PTPRD: variants seen among roughly 807,000 people sequenced by gnomAD.
PTPRD encodes protein tyrosine phosphatase receptor type D, also known as receptor-type tyrosine-protein phosphatase delta.
A neutral mutation model predicts 214.5 loss-of-function variants in PTPRD; 34 were observed. The observed-to-expected ratio is 0.16, with a 90% CI of 0.12 to 0.21. The LOEUF (loss-of-function observed/expected upper bound fraction) is 0.21. Ranked by LOEUF, PTPRD falls within the 10% of genes least tolerant of loss-of-function variation. The pLI is 1.00. For synonymous variants in PTPRD, 1,128 were observed against 845.7 expected, an observed-to-expected ratio of 1.33 and a Z score of -5.79; for missense variants, 2,545 against 2,398.7, an observed-to-expected ratio of 1.06 and a Z score of -1.27.
At chr9:9,744,719 G>A (rs1421629851) in intron 6 of PTPRD, among the ~76,000 whole-genome samples, 1 of 151,862 alleles carries the variant, frequency 6.6e-6, no homozygotes, top group Non-Finnish European at 1.5e-5. Flanking sequence ...AATTAATGAA[G>A]AACAGAAAAA....
intron 11 of PTPRD, among the ~76,000 whole-genome samples, chr9:8,940,280 CTTTTTTTTT>C (rs34342718): frequency 1.1e-5 from 1 of 89,050 alleles, no homozygotes; most frequent in East Asian, 3.5e-4. Flanking sequence ...TCTCTCTCTC[CTTTTTTTTT>C]TTTTTTTTTT....
Position 8,398,479 on chromosome 9 carries a change from A to G in PTPRD, c.4210+6058T>C, listed in dbSNP as rs117003890. 2.9e-3 allele frequency among the ~76,000 whole-genome samples: 442 copies of G among 152,306 alleles called. 2 individuals carry two copies. Among genetic ancestry groups the G allele is most frequent in the Non-Finnish European group, 5.1e-3 (350 of 68,030 alleles). ...ATATTTATGTTTTGGAACTTTAAATATATGACCCTTTCTGTAAGAAAAAAA... is the reference window on the plus strand; with the variant it reads ...ATATTTATGTTTTGGAACTTTAAATGTATGACCCTTTCTGTAAGAAAAAAA... On this transcript the variant is annotated intron_variant, in intron 36 of 45. Coordinates refer to ENST00000381196, the MANE Select transcript of PTPRD (RefSeq NM_002839.4).
chr9:9,536,664 T>A (rs1192611466), intron 8 of PTPRD, among the ~76,000 whole-genome samples: 1 of 151,978 alleles, frequency 6.6e-6, no homozygotes, highest in African/African-American at 2.4e-5. Flanking sequence ...ATTTTGGCAT[T>A]CTATTTTAGT....
intron 10 of PTPRD, among the ~76,000 whole-genome samples, chr9:9,135,308 C>T (rs1165928705): frequency 1.3e-5 from 2 of 152,144 alleles, no homozygotes; most frequent in African/African-American, 4.8e-5. Flanking sequence ...TTCAATATCT[C>T]TTGATTTATC....
At chr9:9,559,134 G>A (rs1048101103) in intron 8 of PTPRD, among the ~76,000 whole-genome samples, 3 of 152,156 alleles carry the variant, frequency 2.0e-5, no homozygotes, top group African/African-American at 7.2e-5. Context: ...AGCCTAGAGG[G>A]CAGCATATGC....
At chr9:10,282,023 G>A (rs1458476491) in intron 3 of PTPRD, among the ~76,000 whole-genome samples, 1 of 151,010 alleles carries the variant, frequency 6.6e-6, no homozygotes, top group Non-Finnish European at 1.5e-5. Flanking sequence ...AGCCTTTGAT[G>A]AAAGCCTGTA....
intron 11 of PTPRD, among the ~76,000 whole-genome samples, chr9:8,779,574 C>T (rs957223890): frequency 1.3e-5 from 2 of 152,140 alleles, no homozygotes; most frequent in African/African-American, 4.8e-5. Context: ...ACTACCAAGG[C>T]CCACTCTCTT....
At chr9:8,366,021 C>T (rs1201002982) in intron 39 of PTPRD, among the ~76,000 whole-genome samples, 5 of 152,168 alleles carry the variant, frequency 3.3e-5, no homozygotes, top group Non-Finnish European at 7.3e-5. Flanking sequence ...CAGACATACC[C>T]TCCGTTCTGC....
At chr9:9,494,195 A>T (rs1209601998) in intron 8 of PTPRD, among the ~76,000 whole-genome samples, 2 of 152,216 alleles carry the variant, frequency 1.3e-5, no homozygotes, top group South Asian at 2.1e-4. Flanking sequence ...TGTTTTCATG[A>T]GATGAAATCT....
intron 8 of PTPRD, among the ~76,000 whole-genome samples, chr9:9,499,699 T>G (rs942918168): frequency 1.3e-5 from 2 of 152,004 alleles, no homozygotes; most frequent in African/African-American, 4.8e-5. Context: ...AGGACCTACT[T>G]TATTCAATAA....
chr9:10,557,661 G>A (rs1028056449), intron 2 of PTPRD, among the ~76,000 whole-genome samples: 2 of 151,996 alleles, frequency 1.3e-5, no homozygotes, highest in Admixed American at 1.3e-4. Flanking sequence ...AATCTGATGG[G>A]CTCAGCTTAG....
intron 4 of PTPRD, among the ~76,000 whole-genome samples, chr9:9,947,305 TTA>T (rs1398036436): frequency 1.2e-5 from 1 of 81,538 alleles, no homozygotes; most frequent in African/African-American, 5.5e-5. Flanking sequence ...TATATATATT[TTA>T]TATATATATT....
At chr9:9,001,566 G>T (rs1181772697) in intron 11 of PTPRD, among the ~76,000 whole-genome samples, 1 of 151,946 alleles carries the variant, frequency 6.6e-6, no homozygotes, top group African/African-American at 2.4e-5. Flanking sequence ...CTCTGGATCG[G>T]GTTCAAAAAT....
At chr9:10,526,692 C>A (rs2054391684) in intron 2 of PTPRD, among the ~76,000 whole-genome samples, 1 of 151,848 alleles carries the variant, frequency 6.6e-6, no homozygotes, top group African/African-American at 2.4e-5. Context: ...AAAGAGTTAC[C>A]CAAATTTTAA....
intron 8 of PTPRD, among the ~76,000 whole-genome samples, chr9:9,416,997 T>C (rs946651921): frequency 3.3e-5 from 5 of 152,164 alleles, no homozygotes; most frequent in African/African-American, 1.2e-4. Flanking sequence ...AGCTTATGTA[T>C]ACCAAGTAAG....
At chr9:9,580,384 G>C (rs770901811) in intron 7 of PTPRD, among the ~76,000 whole-genome samples, 4 of 151,588 alleles carry the variant, frequency 2.6e-5, no homozygotes, top group Non-Finnish European at 5.9e-5. Flanking sequence ...TTGTCTTTTT[G>C]TTAATAGCCA....
At chr9:8,875,723 T>A (rs1042997936) in intron 11 of PTPRD, among the ~76,000 whole-genome samples, 1 of 152,158 alleles carries the variant, frequency 6.6e-6, no homozygotes, top group Non-Finnish European at 1.5e-5. Context: ...ACATCTACAA[T>A]GTATAATATT....
At chr9:8,489,358 C>T (rs937818517) in intron 27 of PTPRD, among the ~76,000 whole-genome samples, 2 of 152,154 alleles carry the variant, frequency 1.3e-5, no homozygotes, top group Non-Finnish European at 2.9e-5. Flanking sequence ...AGCATTAGCT[C>T]TGACCTACTG....
intron 3 of PTPRD, among the ~76,000 whole-genome samples, chr9:10,195,098 A>ATTTTTTTTTTTTTTTTTTTTTT (rs34900305): frequency 4.1e-5 from 4 of 97,910 alleles, no homozygotes; most frequent in Non-Finnish European, 5.8e-5. Flanking sequence ...ATACCCGGCT[A>ATTTTTTTTTTTTTTTTTTTTTT]TTTTTTTTTT....
Sources: allele counts gnomAD v4.1 joint callset (sites outside exome capture counted in the v4.1 genomes callset), GRCh38; gene constraint gnomAD v4.1.1; transcripts MANE v1.5; gene names NCBI Gene and HGNC (gene_info 2026-07-23, HGNC 2026-07-21).